Variants in BRAF observed in about 807,000 individuals in gnomAD.
BRAF encodes serine/threonine-protein kinase B-raf.
In BRAF, 16 loss-of-function variants were observed where a neutral mutation model predicts 104.6. The ratio of observed to expected loss-of-function variants is 0.15; its 90% CI spans 0.10 to 0.23. The LOEUF (loss-of-function observed/expected upper bound fraction) is 0.23. Ranked by LOEUF, BRAF falls within the 10% of genes least tolerant of loss-of-function variation. BRAF has a pLI of 1.00. For missense variants in BRAF, 541 were observed against 937.3 expected (o/e 0.58, Z 5.52); for synonymous variants, 310 against 341.6 (o/e 0.91, Z 1.02).
Position 140,898,606 on chromosome 7 carries a change from A to G in BRAF, c.138+25960T>C, listed in dbSNP as rs371181201. On this transcript the variant is annotated intron_variant, in intron 1 of 19. Transcript: ENST00000644969. ...GAAGTTTGCAAAACATCGTTCCATTAAAGCATAACTGTAAAGCAAACCCCA... is the reference window on the plus strand; with the variant it reads ...GAAGTTTGCAAAACATCGTTCCATTGAAGCATAACTGTAAAGCAAACCCCA... Among the ~76,000 whole-genome samples, 7 of 152,334 alleles carry G rather than the reference A, an allele frequency of 4.6e-5. No individual in the cohort carries two copies. In the East Asian group the frequency reaches 1.2e-3, roughly 25 times the overall value.
intron 8 of BRAF, among the ~76,000 whole-genome samples, chr7:140,793,760 G>C (rs1309667434): frequency 6.6e-6 from 1 of 151,998 alleles, no homozygotes; most frequent in African/African-American, 2.4e-5. Context: ...AGAGTAGCTG[G>C]GACTACAGGC....
intron 1 of BRAF, among the ~76,000 whole-genome samples, chr7:140,866,923 C>T (rs1348761549): frequency 6.6e-6 from 1 of 151,356 alleles, no homozygotes; most frequent in Non-Finnish European, 1.5e-5. Flanking sequence ...TGTTATGATG[C>T]ATTCAATGAA....
intron 12 of BRAF, 91 bp from the exon 12 acceptor site, chr7:140,778,166 C>G (rs763222148): frequency 1.2e-5 from 13 of 1,076,696 alleles, no homozygotes; most frequent in Non-Finnish European, 1.7e-5. Context: ...ATTATCATAG[C>G]CCTAACTCCA....
At chr7:140,885,231 G>A (rs1813427976) in intron 1 of BRAF, among the ~76,000 whole-genome samples, 1 of 151,992 alleles carries the variant, frequency 6.6e-6, no homozygotes, top group Non-Finnish European at 1.5e-5. Context: ...TTGAACTCCT[G>A]ACCTCAAGTG....
At chr7:140,778,437 T>G (rs1375746901) in intron 12 of BRAF, among the ~76,000 whole-genome samples, 1 of 152,168 alleles carries the variant, frequency 6.6e-6, no homozygotes, top group East Asian at 1.9e-4. Context: ...CAAGTAATGT[T>G]GAAACTACAA....
chr7:140,749,169 T>C, intron 17 of BRAF, 118 bp downstream of exon 16: 2 of 1,399,482 alleles, frequency 1.4e-6, no homozygotes, highest in Admixed American at 1.9e-5. Context: ...CTAAAACTGG[T>C]AACAAAAAAT....
chr7:140,719,895 A>G lies in BRAF; in HGVS notation c.*6599T>C. The G allele has an allele frequency of 9.4e-7, 1 of 1,062,564 alleles. No individual in the cohort carries two copies. 65.8% of individuals were successfully genotyped at this position (1,062,564 alleles called of 1,614,324 possible). On this transcript the variant is annotated 3_prime_UTR_variant, in exon 20 of 20. Coordinates refer to ENST00000644969, the MANE Select transcript of BRAF (RefSeq NM_001374258.1). ...CTAAACCCGAACCTTTGGCAGTAAC[A>G]GAAAAGAGGAATGTGTGTGTGAGTC... is the stretch of plus-strand genomic sequence containing the variant.
chr7:140,907,201 T>C (rs770261562), intron 1 of BRAF, among the ~76,000 whole-genome samples: 3 of 152,204 alleles, frequency 2.0e-5, no homozygotes, highest in Admixed American at 6.5e-5. Context: ...GTATATTTGG[T>C]AAAGTGTTCA....
In BRAF at chr7:140,834,439, G is replaced by A. The variant is rs1164182181; in HGVS notation, c.504+170C>T. 2.1e-5 allele frequency: 20 copies of A among 934,978 alleles called. No individual in the cohort carries two copies. In the Admixed American group the frequency reaches 4.4e-4, roughly 21 times the overall value. 57.9% of individuals were successfully genotyped at this position (934,978 alleles called of 1,614,324 possible). A position where few individuals can be genotyped will look rare whatever the true frequency, so the allele number is the denominator to read the frequency against. On this transcript the variant is annotated intron_variant, in intron 3 of 19. Transcript: ENST00000644969. Reference sequence around the variant, plus strand: ...GACAATACCATTTATTTCAGTTAAGGAATATAGACTTTGCCACCAAATAAT... The same window carrying A: ...GACAATACCATTTATTTCAGTTAAGAAATATAGACTTTGCCACCAAATAAT...
intron 3 of BRAF, among the ~76,000 whole-genome samples, chr7:140,816,124 C>T (rs1193368313): frequency 6.6e-6 from 1 of 152,222 alleles, no homozygotes; most frequent in Non-Finnish European, 1.5e-5. Flanking sequence ...GAAATTTAAA[C>T]ACAGTAATTT....
chr7:140,868,884 T>C (rs1203932200), intron 1 of BRAF, among the ~76,000 whole-genome samples: 2 of 152,190 alleles, frequency 1.3e-5, no homozygotes, highest in Non-Finnish European at 2.9e-5. Context: ...GTGGCTTTTA[T>C]CAGACTGATA....
At chr7:140,746,281 C>T (rs990424267) in intron 17 of BRAF, among the ~76,000 whole-genome samples, 1 of 152,042 alleles carries the variant, frequency 6.6e-6, no homozygotes, top group Admixed American at 6.6e-5. Context: ...CTTAAGTGAG[C>T]ACATTATTAA....
rs375807225 is a variant in BRAF at position 140,826,798 on chromosome 7, G to A, written c.504+7811C>T. Among the ~76,000 whole-genome samples, 30 of 152,114 alleles carry A rather than the reference G, an allele frequency of 2.0e-4. No homozygotes were observed. The South Asian group carries it at 4.8e-3, about 24-fold the overall frequency. On this transcript the variant is annotated intron_variant, in intron 3 of 19. Coordinates refer to ENST00000644969, the MANE Select transcript of BRAF (RefSeq NM_001374258.1). ...CAAGGACATTCTCCTATATAATTAC[G>A]TTACCATCCTCACATTTAAGAACGT...
chr7:140,724,530 T>C lies in BRAF; in HGVS notation c.*1964A>G, dbSNP rs1237984004. 2 of 1,045,858 alleles carry C rather than the reference T, an allele frequency of 1.9e-6. No homozygotes were observed. The highest frequency in any genetic ancestry group is 5.5e-5 in the Admixed American group (1 of 18,044). 64.8% of individuals were successfully genotyped at this position (1,045,858 alleles called of 1,614,324 possible). On this transcript the variant is annotated 3_prime_UTR_variant, in exon 20 of 20. Transcript: ENST00000644969. ...TAAAACTTAAAAACAAATTTGCTTT[T>C]CAAACTGATTAATAACTTAAGGATC...
intron 17 of BRAF, among the ~76,000 whole-genome samples, chr7:140,748,125 A>G (rs1797500639): frequency 6.6e-6 from 1 of 152,234 alleles, no homozygotes; most frequent in Admixed American, 6.5e-5. Flanking sequence ...AAGTACACAC[A>G]CAAAGTACAT....
chr7:140,858,453 T>C (rs564808716), intron 1 of BRAF, among the ~76,000 whole-genome samples: 9 of 152,348 alleles, frequency 5.9e-5, no homozygotes, highest in Admixed American at 5.2e-4. Flanking sequence ...CCTTGGCAAT[T>C]GGACTAATCC....
At position 140,924,776 on chromosome 7, in the gene BRAF, G is replaced by T; in HGVS notation, c.-73C>A. The T allele has an allele frequency of 2.1e-6, 1 of 482,350 alleles. No homozygotes were observed. Among genetic ancestry groups the T allele is most frequent in the South Asian group, 3.0e-5 (1 of 33,020 alleles). The allele number at this position is 482,350 out of a possible 1,614,324, so 29.9% of individuals were successfully genotyped here. ...GGGGAAGGGAGGCGGAGAGCTGGGG[G>T]AGGCGGAGGCGGAGGCGGAGGCGGA... On this transcript the variant is annotated 5_prime_UTR_variant, in exon 1 of 20. Transcript: ENST00000644969. The surrounding 1 kb of genome is among the most constrained non-coding windows in gnomAD (Gnocchi z 4.2).
At chr7:140,900,694 T>C (rs549566586) in intron 1 of BRAF, among the ~76,000 whole-genome samples, 1 of 152,314 alleles carries the variant, frequency 6.6e-6, no homozygotes, top group Admixed American at 6.5e-5. Flanking sequence ...CACCACAACC[T>C]TCACCTCCCG....
At chr7:140,763,263 G>A (rs535686451) in intron 14 of BRAF, among the ~76,000 whole-genome samples, 53 of 151,260 alleles carry the variant, frequency 3.5e-4, no homozygotes, top group African/African-American at 8.3e-4. Flanking sequence ...CCTCCCGGAC[G>A]GGGTGGCTGG....
Sources: gnomAD v4.1 joint callset for allele counts (sites outside exome capture counted in the v4.1 genomes callset) on GRCh38, gnomAD v4.1.1 for gene constraint, Gnocchi (gnomAD v3.1) non-coding constraint, MANE v1.5 for transcripts, NCBI Gene and HGNC (gene_info 2026-07-23, HGNC 2026-07-21) for gene names.